The following RAP1GDS1 variants were observed in gnomAD, a reference collection of about 807,000 sequenced individuals.
RAP1GDS1 encodes Rap1 GTPase-GDP dissociation stimulator 1.
In RAP1GDS1, 35 loss-of-function variants were observed where a neutral mutation model predicts 71.1. That is an observed-to-expected ratio of 0.49 (90% CI 0.38 to 0.65). RAP1GDS1 has a LOEUF of 0.65. Ranked by LOEUF, RAP1GDS1 falls within the 30% of genes least tolerant of loss-of-function variation. The probability of loss-of-function intolerance (pLI) is 0.00; values close to 1 mark genes in which losing one functional copy is unlikely to be tolerated. For missense variants in RAP1GDS1, 663 were observed against 706.1 expected (o/e 0.94, Z 0.69); for synonymous variants, 229 against 243.1 (o/e 0.94, Z 0.54).
chr4:98,358,486 C>T (rs1738259832), intron 4 of RAP1GDS1, among the ~76,000 whole-genome samples: 1 of 151,812 alleles, frequency 6.6e-6, no homozygotes, highest in African/African-American at 2.4e-5. Context: ...AATATATTTC[C>T]TAGTTTAGTT....
intron 3 of RAP1GDS1, among the ~76,000 whole-genome samples, chr4:98,345,684 T>G (rs1193704845): frequency 6.6e-6 from 1 of 152,204 alleles, no homozygotes; most frequent in Non-Finnish European, 1.5e-5. Context: ...GTTGTGTACA[T>G]TATTTCAATC....
intron 4 of RAP1GDS1, among the ~76,000 whole-genome samples, chr4:98,370,849 G>A (rs28664868): frequency 0.046 from 6,969 of 152,174 alleles, 396 homozygotes; most frequent in African/African-American, 0.13. Context: ...GGGATTACAG[G>A]TGTGAGCCAT....
intron 5 of RAP1GDS1, among the ~76,000 whole-genome samples, chr4:98,391,678 A>T (rs571600656): frequency 1.3e-5 from 2 of 152,212 alleles, no homozygotes; most frequent in South Asian, 4.1e-4. Context: ...ATGGTATAAG[A>T]CCCCATTTAG....
At chr4:98,404,444 ATTTGG>A (rs1266707995) in intron 6 of RAP1GDS1, 28 bp from the exon 7 acceptor site, 31 of 1,546,848 alleles carry the variant, frequency 2.0e-5, no homozygotes, top group Non-Finnish European at 2.6e-5. Flanking sequence ...TCTGGACTTT[ATTTGG>A]TTTAAGTTTT....
intron 2 of RAP1GDS1, among the ~76,000 whole-genome samples, chr4:98,325,797 A>T (rs1306886079): frequency 1.4e-5 from 2 of 146,100 alleles, no homozygotes; most frequent in East Asian, 4.1e-4. Context: ...GGGGAGGGAT[A>T]GCATTGGGCG....
chr4:98,304,038 C>T (rs1728955551), intron 2 of RAP1GDS1, among the ~76,000 whole-genome samples: 1 of 152,176 alleles, frequency 6.6e-6, no homozygotes, highest in Non-Finnish European at 1.5e-5. Context: ...TGATCTAATT[C>T]CTTTTTATGG....
At chr4:98,428,647 C>A (rs1364974940) in intron 12 of RAP1GDS1, among the ~76,000 whole-genome samples, 1 of 152,180 alleles carries the variant, frequency 6.6e-6, no homozygotes, top group Non-Finnish European at 1.5e-5. Flanking sequence ...AATGCCATAA[C>A]ACCTTACCCA....
chr4:98,280,056 C>A (rs1724828137), intron 1 of RAP1GDS1, among the ~76,000 whole-genome samples: 2 of 152,112 alleles, frequency 1.3e-5, no homozygotes, highest in African/African-American at 4.8e-5. Flanking sequence ...GTGAATAGTG[C>A]CGCAATAAAC....
At chr4:98,344,392 T>C (rs1006754240) in intron 3 of RAP1GDS1, among the ~76,000 whole-genome samples, 6 of 152,216 alleles carry the variant, frequency 3.9e-5, no homozygotes, top group Non-Finnish European at 5.9e-5. Context: ...TTTAACTTTG[T>C]TAGAGTCATA....
chr4:98,371,322 G>A (rs941228395), intron 4 of RAP1GDS1, among the ~76,000 whole-genome samples: 7 of 150,556 alleles, frequency 4.6e-5, no homozygotes, highest in Admixed American at 3.3e-4. Flanking sequence ...TCACCTTGTC[G>A]GGCCAGGCTG....
chr4:98,417,419 G>A lies in RAP1GDS1; in HGVS notation c.960G>A (p.Arg320=). ...GAGGAAAAGGTAGTGTATTTCAAAG[G>A]GTACTCTCTTGGATCCCATCAAATA... ...FEGGKGSVFQ[R]VLSWIPSNNH... is the part of the protein sequence containing the mutation. Residue 320 remains arginine, a synonymous_variant, in exon 9 of 15, where the codon AGG becomes AGA. Transcript: ENST00000408927. The A allele has an allele frequency of 6.2e-7, 1 of 1,612,950 alleles. No homozygotes were observed. The highest frequency in any genetic ancestry group is 8.5e-7 in the Non-Finnish European group (1 of 1,179,112).
intron 7 of RAP1GDS1, among the ~76,000 whole-genome samples, 158 bp downstream of exon 7, chr4:98,404,760 A>G (rs561642462): frequency 6.6e-6 from 1 of 152,292 alleles, no homozygotes; most frequent in South Asian, 2.1e-4. Context: ...TATCTACTCC[A>G]TAGCTATATC....
intron 13 of RAP1GDS1, 135 bp from the exon 14 acceptor site, chr4:98,436,802 ATAT>A (rs1406577877): frequency 3.6e-6 from 3 of 839,116 alleles, no homozygotes; most frequent in Non-Finnish European, 5.0e-6. Flanking sequence ...TCTGAATTTA[ATAT>A]TATTTTTCTA....
At chr4:98,285,999 G>A (rs1725935721) in intron 1 of RAP1GDS1, among the ~76,000 whole-genome samples, 2 of 150,636 alleles carry the variant, frequency 1.3e-5, no homozygotes, top group South Asian at 4.2e-4. Flanking sequence ...GGCACGGTGG[G>A]CTCATGCCTA....
chr4:98,319,890 G>A (rs75576917), intron 2 of RAP1GDS1, among the ~76,000 whole-genome samples: 9,160 of 151,128 alleles, frequency 0.061, 381 homozygotes, highest in South Asian at 0.22. Context: ...CTCTCCTTCC[G>A]TCTTCTCCAC....
chr4:98,387,893 T>A (rs1427358051), intron 5 of RAP1GDS1, among the ~76,000 whole-genome samples: 1 of 152,192 alleles, frequency 6.6e-6, no homozygotes, highest in Non-Finnish European at 1.5e-5. Flanking sequence ...TTGCTTCACT[T>A]AATCTGCCTA....
intron 12 of RAP1GDS1, among the ~76,000 whole-genome samples, chr4:98,427,617 C>CA (rs1446358054): frequency 6.6e-6 from 1 of 151,666 alleles, no homozygotes; most frequent in Non-Finnish European, 1.5e-5. Flanking sequence ...ACAATAGCTG[C>CA]AAAAAATAAA....
At chr4:98,281,290 A>C (rs1485571149) in intron 1 of RAP1GDS1, among the ~76,000 whole-genome samples, 1 of 152,080 alleles carries the variant, frequency 6.6e-6, no homozygotes. Flanking sequence ...TATTTTGTTG[A>C]GCAGCGGTTT....
chr4:98,299,599 A>G (rs1263216884), intron 2 of RAP1GDS1, among the ~76,000 whole-genome samples: 1 of 151,900 alleles, frequency 6.6e-6, no homozygotes, highest in Non-Finnish European at 1.5e-5. Flanking sequence ...GTCACTTCTT[A>G]TAGATGAGAA....
Sources: gnomAD v4.1 joint callset for allele counts (sites outside exome capture counted in the v4.1 genomes callset) on GRCh38, gnomAD v4.1.1 for gene constraint, MANE v1.5 for transcripts, NCBI Gene and HGNC (gene_info 2026-07-23, HGNC 2026-07-21) for gene names.